Variants in KCTD3 observed in about 807,000 individuals in gnomAD.
The protein encoded by KCTD3 is BTB/POZ domain-containing protein KCTD3.
In KCTD3, 41 loss-of-function variants were observed where a neutral mutation model predicts 85.8. The observed-to-expected ratio is 0.48, with a 90% CI of 0.37 to 0.62. KCTD3 has a LOEUF of 0.62. Among genes scored for constraint, KCTD3 ranks in the 20% least tolerant of loss-of-function variants. KCTD3 has a pLI of 0.00. For missense variants in KCTD3, 724 were observed against 989.9 expected (o/e 0.73, Z 3.60); for synonymous variants, 338 against 345.4 (o/e 0.98, Z 0.24).
chr1:215,612,998 G>A (rs187090161), intron 15 of KCTD3, among the ~76,000 whole-genome samples: 131 of 152,094 alleles, frequency 8.6e-4, no homozygotes, highest in African/African-American at 2.8e-3. Flanking sequence ...GCGGGGCCGG[G>A]GAGAGAGAGA....
At chr1:215,590,698 T>C (rs1415234513) in intron 9 of KCTD3, among the ~76,000 whole-genome samples, 1 of 152,238 alleles carries the variant, frequency 6.6e-6, no homozygotes, top group African/African-American at 2.4e-5. Context: ...TTCCATTTTC[T>C]AGTTTGTTTC....
intron 15 of KCTD3, among the ~76,000 whole-genome samples, chr1:215,613,142 AG>A (rs1655295005): frequency 6.6e-6 from 1 of 152,220 alleles, no homozygotes; most frequent in African/African-American, 2.4e-5. Flanking sequence ...TAAAAGTTAC[AG>A]GGAAAAAGTT....
At chr1:215,593,771 G>T (rs895448745) in intron 9 of KCTD3, among the ~76,000 whole-genome samples, 4 of 151,534 alleles carry the variant, frequency 2.6e-5, no homozygotes, top group African/African-American at 9.7e-5. Context: ...TTATTTCCCA[G>T]CATTATTAGA....
intron 13 of KCTD3, among the ~76,000 whole-genome samples, chr1:215,607,328 G>A (rs758438036): frequency 1.3e-5 from 2 of 151,734 alleles, no homozygotes; most frequent in Non-Finnish European, 2.9e-5. Context: ...TTGCATTAGT[G>A]ATACACTTTA....
Position 215,620,191 on chromosome 1 carries a change from T to G in KCTD3, c.2021T>G (p.Ile674Ser). 1 of 1,613,854 alleles carries G rather than the reference T, an allele frequency of 6.2e-7. No individual in the cohort carries two copies. The change falls in exon 18 of 18, where the codon ATT becomes AGT. Residue 674 changes from isoleucine to serine, a missense_variant. Transcript: ENST00000259154. ...SFHSYRDFQTINLNRNVERAV... is the reference protein window; with the variant it reads ...SFHSYRDFQTSNLNRNVERAV... ...CACAGTTATAGGGACTTCCAGACTA[T>G]TAATTTGAACAGAAATGTAGAAAGA...
chr1:215,573,160 A>G (rs1028085944), intron 1 of KCTD3, among the ~76,000 whole-genome samples: 3 of 152,224 alleles, frequency 2.0e-5, no homozygotes, highest in African/African-American at 7.2e-5. Context: ...ATAGCCCAAG[A>G]CTGCCTATAA....
At chr1:215,605,886 C>T (rs1460173797) in intron 13 of KCTD3, among the ~76,000 whole-genome samples, 1 of 152,112 alleles carries the variant, frequency 6.6e-6, no homozygotes, top group African/African-American at 2.4e-5. Flanking sequence ...TCCTTTCTCC[C>T]CTAGATGACT....
At chr1:215,619,979 A>T in intron 17 of KCTD3, 78 bp from the exon 18 acceptor site, 2 of 1,057,292 alleles carry the variant, frequency 1.9e-6, no homozygotes, top group Non-Finnish European at 2.7e-6. Context: ...AGTGTGTTTT[A>T]TTGGTTGTAT....
chr1:215,601,908 A>T lies in KCTD3; in HGVS notation c.975A>T (p.Gly325=). 6.2e-7 allele frequency: 1 copy of T among 1,606,624 alleles called. No homozygotes were observed. Residue 325 remains glycine, a synonymous_variant, in exon 11 of 18, where the codon GGA becomes GGT. Transcript: ENST00000259154. ...CTATAACTAGTTATGACACTGCTGG[A>T]TCATTCCTTCTGCTTGGATGTAACA... ...VVPITSYDTA[G]SFLLLGCNNG...
chr1:215,588,612 A>G (rs1660105598), intron 9 of KCTD3, among the ~76,000 whole-genome samples: 2 of 152,092 alleles, frequency 1.3e-5, no homozygotes, highest in South Asian at 4.1e-4. Flanking sequence ...AGAATAAGCC[A>G]TGAAATTCAT....
intron 9 of KCTD3, among the ~76,000 whole-genome samples, chr1:215,588,851 C>T (rs1660114423): frequency 6.6e-6 from 1 of 152,164 alleles, no homozygotes; most frequent in African/African-American, 2.4e-5. Flanking sequence ...GATTGACTCT[C>T]TGCCAAATCT....
In KCTD3 at chr1:215,620,925, AT is replaced by A; in HGVS notation, c.*308del. On this transcript the variant is annotated 3_prime_UTR_variant, in exon 18 of 18. Transcript: ENST00000259154. ...CACGTCTTAATAGGATGGTGCCCAT[AT>A]AGGTGAGCATCCCTTTAGATCATGG... The A allele has an allele frequency of 3.0e-6, 1 of 335,248 alleles. No homozygotes were observed. The highest frequency in any genetic ancestry group is 5.4e-6 in the Non-Finnish European group (1 of 186,040). The allele number at this position is 335,248 out of a possible 1,614,324, so 20.8% of individuals were successfully genotyped here.
At chr1:215,590,445 A>G (rs1162762723) in intron 9 of KCTD3, among the ~76,000 whole-genome samples, 3 of 151,998 alleles carry the variant, frequency 2.0e-5, no homozygotes, top group East Asian at 3.9e-4. Context: ...TCTTTTCTCC[A>G]TCTCTCCCTT....
Position 215,595,435 on chromosome 1 carries a change from AGTGG to A in KCTD3, c.899_902del (p.Val300GlufsTer18). The A allele has an allele frequency of 6.2e-7, 1 of 1,613,544 alleles. No individual in the cohort carries two copies. ...TGGTGGCCACGAGTCATACAGGGAA[AGTGG>A]GAGTGTGGAATGCTGTCACTCAGCA... On this transcript the variant is annotated frameshift_variant, in exon 10 of 18. Coordinates refer to ENST00000259154, the MANE Select transcript of KCTD3 (RefSeq NM_016121.5). LOFTEE classifies it high-confidence loss of function.
intron 1 of KCTD3, 101 bp downstream of exon 1, chr1:215,567,869 G>A: frequency 3.6e-6 from 3 of 838,202 alleles, no homozygotes; most frequent in Non-Finnish European, 3.2e-6. Context: ...GCGAGCGTGG[G>A]AGGCCAAGCC....
intron 7 of KCTD3, 103 bp from the exon 8 acceptor site, chr1:215,579,806 A>T: frequency 1.3e-6 from 1 of 778,054 alleles, no homozygotes; most frequent in Non-Finnish European, 2.2e-6. Flanking sequence ...CTCTTAACAA[A>T]ACTATTAACC....
At chr1:215,583,302 G>C (rs1659893412) in intron 8 of KCTD3, among the ~76,000 whole-genome samples, 1 of 152,174 alleles carries the variant, frequency 6.6e-6, no homozygotes, top group South Asian at 2.1e-4. Context: ...GCAATTCCCA[G>C]AACTGAATGT....
At chr1:215,589,686 TTATATAG>T (rs1333336697) in intron 9 of KCTD3, among the ~76,000 whole-genome samples, 3 of 152,184 alleles carry the variant, frequency 2.0e-5, no homozygotes, top group Non-Finnish European at 4.4e-5. Flanking sequence ...ATGAGTAGAA[TTATATAG>T]TATTTATTCT....
intron 13 of KCTD3, among the ~76,000 whole-genome samples, chr1:215,606,574 T>TG (rs1441199449): frequency 3.9e-5 from 6 of 152,122 alleles, no homozygotes; most frequent in African/African-American, 1.4e-4. Context: ...ATAGAGATAC[T>TG]CTGTAATAAT....
Sources: allele counts gnomAD v4.1 joint callset (sites outside exome capture counted in the v4.1 genomes callset), GRCh38; gene constraint gnomAD v4.1.1; transcripts MANE v1.5; gene names NCBI Gene and HGNC (gene_info 2026-07-23, HGNC 2026-07-21).